TMEM117: variants seen among roughly 807,000 people sequenced by gnomAD.
TMEM117 encodes the protein transmembrane protein 117.
Under a neutral mutation model 52.4 loss-of-function variants are expected in TMEM117, and 27 were observed. That is an observed-to-expected ratio of 0.51 (90% CI 0.38 to 0.71). TMEM117 has a LOEUF of 0.71. Ranked by LOEUF, TMEM117 falls within the 30% of genes least tolerant of loss-of-function variation. TMEM117 has a pLI of 0.00. For synonymous variants in TMEM117, 215 were observed against 206.3 expected (o/e 1.04, Z -0.36); for missense variants, 556 against 630.5 (o/e 0.88, Z 1.26).
intron 2 of TMEM117, among the ~76,000 whole-genome samples, chr12:43,892,977 G>C (rs1289819662): frequency 6.6e-6 from 1 of 152,212 alleles, no homozygotes; most frequent in Admixed American, 6.5e-5. Flanking sequence ...GGAATAGCAA[G>C]TGAAAAGCCC....
At chr12:43,941,355 A>C (rs914160171) in intron 2 of TMEM117, among the ~76,000 whole-genome samples, 11 of 152,356 alleles carry the variant, frequency 7.2e-5, no homozygotes, top group African/African-American at 2.6e-4. Context: ...AAAGTGGCAC[A>C]TAATTTATTT....
At chr12:44,358,923 C>T (rs7301085) in intron 6 of TMEM117, among the ~76,000 whole-genome samples, 134 of 152,074 alleles carry the variant, frequency 8.8e-4, no homozygotes, top group African/African-American at 3.0e-3. Flanking sequence ...CTGTGGGTTT[C>T]GTAATAACAT....
chr12:44,180,698 G>A (rs376693835), intron 4 of TMEM117, among the ~76,000 whole-genome samples: 1 of 151,828 alleles, frequency 6.6e-6, no homozygotes, highest in African/African-American at 2.4e-5. Context: ...ATTTTTTATG[G>A]CTGCATAGTA....
intron 2 of TMEM117, among the ~76,000 whole-genome samples, chr12:43,926,441 G>T (rs1944779984): frequency 6.6e-6 from 1 of 151,982 alleles, no homozygotes; most frequent in Non-Finnish European, 1.5e-5. Flanking sequence ...TATAGTCTGA[G>T]AAAAAAATAA....
chr12:44,220,371 G>A (rs1477942066), intron 5 of TMEM117, among the ~76,000 whole-genome samples: 4 of 152,098 alleles, frequency 2.6e-5, no homozygotes, highest in Admixed American at 6.6e-5. Flanking sequence ...CAACAATGTG[G>A]TACTGGATTA....
At chr12:44,188,621 C>A (rs1003613963) in intron 4 of TMEM117, among the ~76,000 whole-genome samples, 2 of 152,048 alleles carry the variant, frequency 1.3e-5, no homozygotes, top group Non-Finnish European at 2.9e-5. Flanking sequence ...TAATATCTCC[C>A]ACCTGCTGTC....
intron 3 of TMEM117, among the ~76,000 whole-genome samples, chr12:43,990,630 G>A (rs1945922771): frequency 1.3e-5 from 2 of 152,022 alleles, no homozygotes; most frequent in Admixed American, 1.3e-4. Flanking sequence ...TTAGTGTGCT[G>A]GATCTTTCAT....
At chr12:44,370,866 A>G (rs1289214574) in intron 6 of TMEM117, among the ~76,000 whole-genome samples, 1 of 152,160 alleles carries the variant, frequency 6.6e-6, no homozygotes, top group Non-Finnish European at 1.5e-5. Context: ...TTGAGTTCTT[A>G]CTATATACTG....
intron 4 of TMEM117, among the ~76,000 whole-genome samples, chr12:44,145,221 A>G (rs1948627176): frequency 6.6e-6 from 1 of 152,220 alleles, no homozygotes; most frequent in Non-Finnish European, 1.5e-5. Context: ...GAGGAGATAC[A>G]TAAACTTTGA....
intron 4 of TMEM117, among the ~76,000 whole-genome samples, chr12:44,195,256 T>G (rs1949403467): frequency 6.6e-6 from 1 of 152,214 alleles, no homozygotes; most frequent in African/African-American, 2.4e-5. Flanking sequence ...CTGAGGTCCC[T>G]GTTTCCTTTC....
chr12:43,992,658 C>T (rs1945963159), intron 3 of TMEM117, among the ~76,000 whole-genome samples: 1 of 152,210 alleles, frequency 6.6e-6, no homozygotes, highest in South Asian at 2.1e-4. Context: ...AGTGTTCCAG[C>T]TCTCCATGCT....
chr12:44,265,263 T>C (rs1052726984), intron 5 of TMEM117, among the ~76,000 whole-genome samples: 5 of 151,814 alleles, frequency 3.3e-5, no homozygotes, highest in Non-Finnish European at 5.9e-5. Flanking sequence ...AGGGCCAGAG[T>C]GAAAATGGTA....
At chr12:43,899,678 G>A (rs1218152063) in intron 2 of TMEM117, among the ~76,000 whole-genome samples, 2 of 151,724 alleles carry the variant, frequency 1.3e-5, no homozygotes, top group East Asian at 3.9e-4. Flanking sequence ...CTAACTTTTA[G>A]CAATTATAAA....
intron 6 of TMEM117, among the ~76,000 whole-genome samples, chr12:44,311,833 ATATATGTATATATATGTATATATG>A (rs1565701653): frequency 4.2e-5 from 5 of 118,440 alleles, no homozygotes; most frequent in South Asian, 2.4e-4. Flanking sequence ...GTATATATGT[ATATATGTATATATATGTATATATG>A]TATATATATG....
chr12:44,042,713 C>A (rs969787000), intron 3 of TMEM117, among the ~76,000 whole-genome samples: 3 of 150,660 alleles, frequency 2.0e-5, no homozygotes, highest in African/African-American at 7.3e-5. Flanking sequence ...AACTTGTAGA[C>A]AGCCTATTGT....
intron 3 of TMEM117, among the ~76,000 whole-genome samples, chr12:44,131,288 T>C (rs1219038958): frequency 1.3e-5 from 2 of 152,168 alleles, no homozygotes; most frequent in Admixed American, 6.5e-5. Context: ...TTTCCAATGA[T>C]CTGGGAGTTC....
chr12:44,246,792 A>C (rs1445065642), intron 5 of TMEM117, among the ~76,000 whole-genome samples: 2 of 152,300 alleles, frequency 1.3e-5, no homozygotes, highest in African/African-American at 4.8e-5. Flanking sequence ...TTAAATATGT[A>C]TGAAGAATGT....
intron 2 of TMEM117, among the ~76,000 whole-genome samples, chr12:43,856,639 TTTCA>T (rs1224545089): frequency 6.6e-6 from 1 of 152,236 alleles, no homozygotes; most frequent in African/African-American, 2.4e-5. Flanking sequence ...GTCAGGCTTC[TTTCA>T]TTCAGCATAA....
chr12:44,081,867 A>G (rs1383097392), intron 3 of TMEM117, among the ~76,000 whole-genome samples: 1 of 152,070 alleles, frequency 6.6e-6, no homozygotes, highest in African/African-American at 2.4e-5. Flanking sequence ...TGTCACATAT[A>G]CAGTATTAGG....
Sources: gnomAD v4.1 joint callset for allele counts (sites outside exome capture counted in the v4.1 genomes callset) on GRCh38, gnomAD v4.1.1 for gene constraint, MANE v1.5 for transcripts, NCBI Gene and HGNC (gene_info 2026-07-23, HGNC 2026-07-21) for gene names.